CNTN4: variants seen among roughly 807,000 people sequenced by gnomAD.
CNTN4 encodes contactin-4.
CNTN4 carries 77 observed loss-of-function variants against 122.5 expected under a neutral mutation model. That is an observed-to-expected ratio of 0.63 (90% CI 0.52 to 0.76). The LOEUF is 0.76. Ranked by LOEUF, CNTN4 falls within the 30% of genes least tolerant of loss-of-function variation. CNTN4 has a pLI of 0.00. For missense variants in CNTN4, 1,256 were observed against 1,259.1 expected, an observed-to-expected ratio of 1.00 and a Z score of 0.04; for synonymous variants, 512 against 447.0, an observed-to-expected ratio of 1.15 and a Z score of -1.83.
chr3:2,475,381 G>A (rs1489447769), intron 3 of CNTN4, among the ~76,000 whole-genome samples: 1 of 152,124 alleles, frequency 6.6e-6, no homozygotes. Context: ...TACTCAAGAG[G>A]GTAAGGATAT....
At chr3:2,856,280 A>C (rs2093617085) in intron 7 of CNTN4, among the ~76,000 whole-genome samples, 1 of 142,220 alleles carries the variant, frequency 7.0e-6, no homozygotes, top group African/African-American at 2.8e-5. Context: ...TCAACGTGTG[A>C]AATAATGGGC....
At chr3:2,975,705 T>C (rs1693354845) in intron 13 of CNTN4, among the ~76,000 whole-genome samples, 1 of 152,190 alleles carries the variant, frequency 6.6e-6, no homozygotes, top group Admixed American at 6.5e-5. Context: ...TACAAGCTAC[T>C]CTGCTGTTCT....
chr3:2,467,134 T>G lies in CNTN4; in HGVS notation c.-88-104282T>G, dbSNP rs1168689576. On this transcript the variant is annotated intron_variant, in intron 3 of 24. Transcript: ENST00000418658. Reference sequence around the variant, plus strand: ...ATTGGATGATATGCAAAATTATGGGTTTTTTTTTTTTTTTTTGAGAAGAGA... The same window carrying G: ...ATTGGATGATATGCAAAATTATGGGGTTTTTTTTTTTTTTTTGAGAAGAGA... Among the ~76,000 whole-genome samples, 29 of 87,144 alleles carry G rather than the reference T, an allele frequency of 3.3e-4. 1 individual carries two copies. The highest frequency in any genetic ancestry group is 1.3e-4 in the African/African-American group (2 of 15,742). 57.2% of individuals were successfully genotyped at this position (87,144 alleles called of 152,430 possible). A position where few individuals can be genotyped will look rare whatever the true frequency, so the allele number is the denominator to read the frequency against.
intron 7 of CNTN4, among the ~76,000 whole-genome samples, chr3:2,838,104 A>G (rs1323045158): frequency 6.6e-6 from 1 of 152,204 alleles, no homozygotes; most frequent in Non-Finnish European, 1.5e-5. Context: ...GAGCAGTTTC[A>G]TTCAAGAAAC....
intron 2 of CNTN4, among the ~76,000 whole-genome samples, chr3:2,229,867 T>G (rs2039420448): frequency 6.6e-6 from 1 of 152,176 alleles, no homozygotes; most frequent in African/African-American, 2.4e-5. Context: ...ATCAAGTATC[T>G]CCAGCTCCAA....
intron 7 of CNTN4, among the ~76,000 whole-genome samples, chr3:2,840,468 A>G (rs71311725): frequency 0.32 from 46,697 of 147,384 alleles, 7,738 homozygotes; most frequent in Non-Finnish European, 0.38. Flanking sequence ...TGGGAGGCCG[A>G]GGCGGGCGGA....
chr3:2,482,712 G>A (rs888022033), intron 3 of CNTN4, among the ~76,000 whole-genome samples: 5 of 152,208 alleles, frequency 3.3e-5, no homozygotes, highest in Admixed American at 6.5e-5. Flanking sequence ...GGTACACACA[G>A]GGCATGGCTT....
intron 4 of CNTN4, among the ~76,000 whole-genome samples, chr3:2,641,979 A>G (rs1462905155): frequency 6.6e-6 from 1 of 152,210 alleles, no homozygotes; most frequent in Non-Finnish European, 1.5e-5. Context: ...CATCCTCCGT[A>G]TTAGTCAGGG....
intron 12 of CNTN4, among the ~76,000 whole-genome samples, chr3:2,923,665 A>G (rs377107844): frequency 6.6e-6 from 1 of 152,180 alleles, no homozygotes; most frequent in Non-Finnish European, 1.5e-5. Context: ...TAGCTTAGCA[A>G]TCTCAACTCT....
At chr3:2,893,656 T>G (rs1456378477) in intron 10 of CNTN4, among the ~76,000 whole-genome samples, 1 of 151,736 alleles carries the variant, frequency 6.6e-6, no homozygotes, top group Non-Finnish European at 1.5e-5. Flanking sequence ...ATAAGAAACG[T>G]TAAGCCATGA....
chr3:2,196,419 T>G (rs917511841), intron 2 of CNTN4, among the ~76,000 whole-genome samples: 1 of 152,228 alleles, frequency 6.6e-6, no homozygotes, highest in Non-Finnish European at 1.5e-5. Flanking sequence ...TATTCATTGG[T>G]TGGTTGGTTC....
chr3:2,550,960 GA>G (rs1263143313), intron 3 of CNTN4, among the ~76,000 whole-genome samples: 4 of 152,076 alleles, frequency 2.6e-5, no homozygotes, highest in African/African-American at 9.7e-5. Flanking sequence ...GGGGAGTGGG[GA>G]AGCTAGTGGA....
At chr3:2,177,453 C>T (rs541728726) in intron 2 of CNTN4, among the ~76,000 whole-genome samples, 59 of 152,062 alleles carry the variant, frequency 3.9e-4, no homozygotes, top group Non-Finnish European at 7.6e-4. Context: ...CTCTGCTCAC[C>T]ACACTTCTTG....
chr3:2,406,105 T>C (rs2047026911), intron 3 of CNTN4, among the ~76,000 whole-genome samples: 1 of 152,132 alleles, frequency 6.6e-6, no homozygotes. Context: ...ACTGGCATGC[T>C]AAATCTTGTG....
At chr3:2,616,050 T>G (rs6775086) in intron 4 of CNTN4, among the ~76,000 whole-genome samples, 68,804 of 149,314 alleles carry the variant, frequency 0.46, 16,492 homozygotes, top group Middle Eastern at 0.52. Context: ...TAAGTTCCGG[T>G]ATACATGTGC....
At chr3:2,142,108 C>A (rs1200764529) in intron 2 of CNTN4, among the ~76,000 whole-genome samples, 1 of 152,170 alleles carries the variant, frequency 6.6e-6, no homozygotes, top group East Asian at 1.9e-4. Flanking sequence ...ATGGACACTG[C>A]TTTGGTTTAG....
At position 2,990,136 on chromosome 3, in the gene CNTN4, C is replaced by A. The variant is rs528165015; in HGVS notation, c.1486+1664C>A. ...GTTAAGTGATTAGTGTGGTGCCTGG[C>A]ACCTAGGAAATATTAATAGTTGTTT... On this transcript the variant is annotated intron_variant, in intron 14 of 24. Coordinates refer to ENST00000418658, the MANE Select transcript of CNTN4 (RefSeq NM_175607.3). Among the ~76,000 whole-genome samples, 8 of 152,250 alleles carry A rather than the reference C, an allele frequency of 5.3e-5. No individual in the cohort carries two copies. The South Asian group carries it at 1.7e-3, about 32-fold the overall frequency.
intron 2 of CNTN4, among the ~76,000 whole-genome samples, chr3:2,113,626 A>G (rs1415347727): frequency 1.3e-5 from 2 of 152,212 alleles, no homozygotes; most frequent in East Asian, 1.9e-4. Flanking sequence ...AGGACCCAAT[A>G]CTATAGGATG....
chr3:2,194,305 A>T (rs903034837), intron 2 of CNTN4, among the ~76,000 whole-genome samples: 5 of 151,982 alleles, frequency 3.3e-5, no homozygotes, highest in African/African-American at 4.8e-5. Flanking sequence ...CTCTTAAAAA[A>T]AACAAATTAG....
Sources: allele counts gnomAD v4.1 joint callset (sites outside exome capture counted in the v4.1 genomes callset), GRCh38; gene constraint gnomAD v4.1.1; transcripts MANE v1.5; gene names NCBI Gene and HGNC (gene_info 2026-07-23, HGNC 2026-07-21).